Variants in GRM5 observed in about 807,000 individuals in gnomAD.
GRM5 encodes the protein glutamate metabotropic receptor 5, also known as metabotropic glutamate receptor 5.
Under a neutral mutation model 83.1 loss-of-function variants are expected in GRM5, and 19 were observed. The observed-to-expected ratio is 0.23, with a 90% confidence interval of 0.16 to 0.34. GRM5 has a LOEUF of 0.34. Ranked by LOEUF, GRM5 falls within the 10% of genes least tolerant of loss-of-function variation. The pLI, the probability that GRM5 is intolerant of heterozygous loss-of-function variation, is 1.00. For synonymous variants in GRM5, 675 were observed against 633.6 expected (o/e 1.07, Z -0.98); for missense variants, 1,160 against 1,588.3 (o/e 0.73, Z 4.58).
intron 7 of GRM5, among the ~76,000 whole-genome samples, chr11:88,574,988 T>TTC (rs1186545321): frequency 6.8e-6 from 1 of 147,652 alleles, no homozygotes; most frequent in Non-Finnish European, 1.5e-5. Context: ...TTCTTTTCTT[T>TTC]TTTTTTTTTT....
chr11:88,756,361 G>T (rs1198913540), intron 3 of GRM5, among the ~76,000 whole-genome samples: 1 of 152,100 alleles, frequency 6.6e-6, no homozygotes, highest in Non-Finnish European at 1.5e-5. Context: ...TATAATTCAA[G>T]ATTTTAGGGT....
At chr11:89,007,904 G>A (rs1940575269) in intron 2 of GRM5, among the ~76,000 whole-genome samples, 2 of 152,206 alleles carry the variant, frequency 1.3e-5, no homozygotes, top group Non-Finnish European at 2.9e-5. Context: ...ATTGGTGAAA[G>A]TGGCAACCTT....
Position 88,582,388 on chromosome 11 carries a change from C to T in GRM5, c.1690+8213G>A, listed in dbSNP as rs968146707. On this transcript the variant is annotated intron_variant, in intron 7 of 9. Transcript: ENST00000305447. Reference sequence around the variant, plus strand: ...TATTTAAGTAAGGTTAGGTACCTTCCATTTATATTTGTATCATCAGAACTT... The same window carrying T: ...TATTTAAGTAAGGTTAGGTACCTTCTATTTATATTTGTATCATCAGAACTT... Among the ~76,000 whole-genome samples the T allele has an allele frequency of 3.9e-5, 6 of 152,092 alleles. No homozygotes were observed. In the East Asian group the frequency reaches 9.6e-4, roughly 24 times the overall value.
At chr11:88,756,937 T>A (rs1942406169) in intron 3 of GRM5, among the ~76,000 whole-genome samples, 1 of 152,046 alleles carries the variant, frequency 6.6e-6, no homozygotes, top group Non-Finnish European at 1.5e-5. Context: ...TCTAAGAAGC[T>A]CAATGAACTC....
chr11:88,804,872 A>G (rs1333363127), intron 3 of GRM5, among the ~76,000 whole-genome samples: 1 of 152,104 alleles, frequency 6.6e-6, no homozygotes, highest in Non-Finnish European at 1.5e-5. Context: ...AATGGGTACA[A>G]TGTACCTTAT....
intron 3 of GRM5, among the ~76,000 whole-genome samples, chr11:88,775,338 TACTTG>T (rs1942824620): frequency 6.6e-6 from 1 of 152,188 alleles, no homozygotes; most frequent in African/African-American, 2.4e-5. Context: ...TTTTCTCCTT[TACTTG>T]TCTTCCTAGC....
At chr11:88,516,674 T>C (rs1183926797) in intron 9 of GRM5, among the ~76,000 whole-genome samples, 1 of 152,110 alleles carries the variant, frequency 6.6e-6, no homozygotes, top group Non-Finnish European at 1.5e-5. Context: ...AATATGTTTA[T>C]TGTCAGTGAA....
intron 2 of GRM5, among the ~76,000 whole-genome samples, chr11:89,012,294 G>T (rs1355075836): frequency 4.6e-5 from 7 of 152,148 alleles, no homozygotes; most frequent in African/African-American, 1.7e-4. Flanking sequence ...TGCAAATAAA[G>T]ATCTGTAGGG....
rs1941298348 is a variant in GRM5 at position 88,509,378 on chromosome 11, G to C, written c.2853C>G (p.Pro951=). The C allele has an allele frequency of 4.3e-6, 7 of 1,612,472 alleles. No individual in the cohort carries two copies. The highest frequency in any genetic ancestry group is 5.9e-6 in the Non-Finnish European group (7 of 1,179,850). Residue 951 remains proline, a synonymous_variant, in exon 10 of 10, where the codon CCC becomes CCG. Coordinates refer to ENST00000305447, the MANE Select transcript of GRM5 (RefSeq NM_001143831.3). The part of the protein sequence containing the change: ...ENPNQTAVIK[P]FPKSTESRGL... ...CACGGCTCTCCGTGCTCTTGGGGAAGGGCTTGATGACGGCCGTTTGGTTGG... is the reference window on the plus strand; with the variant it reads ...CACGGCTCTCCGTGCTCTTGGGGAACGGCTTGATGACGGCCGTTTGGTTGG...
intron 4 of GRM5, among the ~76,000 whole-genome samples, chr11:88,629,666 A>G (rs1447999648): frequency 6.6e-6 from 1 of 152,048 alleles, no homozygotes; most frequent in Admixed American, 6.6e-5. Flanking sequence ...TGTCTCCTCC[A>G]ATTGCCCTTG....
Position 89,047,491 on chromosome 11 carries a change from G to A in GRM5, c.382C>T (p.Arg128Cys), listed in dbSNP as rs1409555487. Residue 128 changes from arginine (R) to cysteine (C), a missense_variant, in exon 2 of 10, where the codon CGC (arginine) becomes TGC (cysteine). Transcript: ENST00000305447. The surrounding 1 kb of genome is among the most constrained non-coding windows in gnomAD (Gnocchi z 5.1). Reference protein sequence around the residue: ...ISSEEEEGLVRCVDGSSSSFR... With the variant: ...ISSEEEEGLVCCVDGSSSSFR... The stretch of plus-strand genomic sequence containing the variant: ...GAAGAGGAGGAGCCATCCACACAGC[G>A]TACCAAGCCTTCTTCCTCTTCTGAA... 1.9e-6 allele frequency: 3 copies of A among 1,614,170 alleles called. No individual in the cohort carries two copies. Among genetic ancestry groups the A allele is most frequent in the Admixed American group, 1.7e-5 (1 of 60,032 alleles).
chr11:88,792,205 G>A (rs1943187318), intron 3 of GRM5, among the ~76,000 whole-genome samples: 1 of 152,050 alleles, frequency 6.6e-6, no homozygotes, highest in Non-Finnish European at 1.5e-5. Context: ...TGTTTTCTTA[G>A]TAGGGGCCTG....
chr11:88,694,553 A>AT (rs5793343), intron 3 of GRM5, among the ~76,000 whole-genome samples: 113,619 of 147,860 alleles, frequency 0.77, 43,463 homozygotes, highest in South Asian at 0.89. Flanking sequence ...TTAGAGAACT[A>AT]TTTTTTTTTT....
chr11:88,658,630 G>A (rs2135314204), intron 3 of GRM5, among the ~76,000 whole-genome samples: 1 of 152,268 alleles, frequency 6.6e-6, no homozygotes, highest in East Asian at 1.9e-4. Flanking sequence ...AAATGCAGTG[G>A]GAGAGCAGAT....
At chr11:88,695,272 T>G (rs2135365112) in intron 3 of GRM5, among the ~76,000 whole-genome samples, 1 of 152,338 alleles carries the variant, frequency 6.6e-6, no homozygotes, top group Middle Eastern at 3.4e-3. Flanking sequence ...TTTTATAATA[T>G]GCAGTTCTTA....
At chr11:88,566,916 G>A (rs1047784322) in intron 8 of GRM5, 137 bp downstream of exon 8, 3 of 606,608 alleles carry the variant, frequency 4.9e-6, no homozygotes, top group Non-Finnish European at 8.7e-6. Context: ...CATTTTATGA[G>A]AAGGTCCATG....
intron 2 of GRM5, among the ~76,000 whole-genome samples, chr11:89,021,076 A>G (rs1281221372): frequency 3.3e-5 from 5 of 152,192 alleles, no homozygotes; most frequent in African/African-American, 1.2e-4. Context: ...ATCTTTACAC[A>G]ACTTCATTAG....
At chr11:88,574,249 T>C (rs1350081975) in intron 7 of GRM5, among the ~76,000 whole-genome samples, 1 of 152,222 alleles carries the variant, frequency 6.6e-6, no homozygotes, top group African/African-American at 2.4e-5. Flanking sequence ...CAATTAAATA[T>C]AGAATTCTAA....
chr11:88,628,315 T>C (rs1182541950), intron 4 of GRM5, among the ~76,000 whole-genome samples: 1 of 152,224 alleles, frequency 6.6e-6, no homozygotes, highest in Non-Finnish European at 1.5e-5. Context: ...ATTCTTGGCC[T>C]CCTCTCTTGT....
Sources: allele counts gnomAD v4.1 joint callset (sites outside exome capture counted in the v4.1 genomes callset), GRCh38; gene constraint gnomAD v4.1.1; non-coding constraint Gnocchi (gnomAD v3.1); transcripts MANE v1.5; gene names NCBI Gene and HGNC (gene_info 2026-07-23, HGNC 2026-07-21).